Variants in ZC3HC1 observed in about 807,000 individuals in gnomAD.
ZC3HC1 encodes zinc finger C3HC-type containing 1.
In ZC3HC1, 38 loss-of-function variants were observed where a neutral mutation model predicts 61.9. That is an observed-to-expected ratio of 0.61 (90% CI 0.47 to 0.81). The LOEUF (loss-of-function observed/expected upper bound fraction) is 0.81, where lower values mean the gene tolerates loss of function less well. Among genes scored for constraint, ZC3HC1 ranks in the 30% least tolerant of loss-of-function variants. The pLI is 0.00. For synonymous variants in ZC3HC1, 213 were observed against 229.9 expected (o/e 0.93, Z 0.67); for missense variants, 554 against 622.7 (o/e 0.89, Z 1.17).
At chr7:130,050,351 T>C (rs1795029354) in intron 1 of ZC3HC1, 6 of 1,409,086 alleles carry the variant, frequency 4.3e-6, no homozygotes, top group Non-Finnish European at 4.8e-6. Flanking sequence ...GTGCTGGGAT[T>C]ATAGGCGTGA....
intron 9 of ZC3HC1, among the ~76,000 whole-genome samples, chr7:130,019,247 C>A (rs190940060): frequency 1.6e-4 from 24 of 152,122 alleles, no homozygotes; most frequent in Admixed American, 4.6e-4. Flanking sequence ...ATGGGGGTCT[C>A]ACCGTGTTAG....
intron 8 of ZC3HC1, 24 bp from the exon 9 acceptor site, chr7:130,022,549 G>A (rs779069956): frequency 1.7e-5 from 27 of 1,612,536 alleles, no homozygotes; most frequent in Non-Finnish European, 2.1e-5. Flanking sequence ...AAAAGAAATA[G>A]CATTCATAGG....
At chr7:130,028,163 CAAAAAAAAAAAAAAAAAAAAAAAAA>C (rs58430072) in intron 5 of ZC3HC1, among the ~76,000 whole-genome samples, 3 of 34,094 alleles carry the variant, frequency 8.8e-5, no homozygotes, top group African/African-American at 1.3e-4. Flanking sequence ...GACTCTGTCT[CAAAAAAAAAAAAAAAAAAAAAAAAA>C]AAAAAAAAAA....
chr7:130,034,484 C>CAAAAAA (rs35780865), intron 4 of ZC3HC1, among the ~76,000 whole-genome samples: 2 of 62,274 alleles, frequency 3.2e-5, no homozygotes, highest in Admixed American at 4.9e-4. Context: ...GACTCCGTCT[C>CAAAAAA]AAAAAAAAAA....
At chr7:130,022,590 C>T (rs1793698737) in intron 8 of ZC3HC1, 65 bp from the exon 9 acceptor site, 1 of 1,546,896 alleles carries the variant, frequency 6.5e-7, no homozygotes, top group South Asian at 1.1e-5. Flanking sequence ...GGAGGCACTG[C>T]TGTTAGTTAT....
At chr7:130,040,808 C>CAAAAAA in intron 3 of ZC3HC1, 143 bp downstream of exon 3, 1 of 631,332 alleles carries the variant, frequency 1.6e-6, no homozygotes, top group Non-Finnish European at 2.4e-6. Flanking sequence ...GACCCCATCT[C>CAAAAAA]AAAAAAAAAA....
chr7:130,030,340 C>A (rs911823721), intron 4 of ZC3HC1, among the ~76,000 whole-genome samples: 1 of 151,860 alleles, frequency 6.6e-6, no homozygotes, highest in Non-Finnish European at 1.5e-5. Context: ...GCCGGGATTA[C>A]AGGTGCCTGA....
Position 130,023,693 on chromosome 7 carries a change from G to A in ZC3HC1, c.1051C>T (p.Arg351Ter), listed in dbSNP as rs777405892. The change falls in exon 8 of 10, where the codon CGA becomes TGA. Residue 351 changes from arginine (R) to a stop codon, truncating the protein, a stop_gained. Transcript: ENST00000358303. LOFTEE classifies it high-confidence loss of function. The surrounding 1 kb of genome is among the most constrained non-coding windows in gnomAD (Gnocchi z 4.2). ...CTGGAAGAGTCCCAGCTCCGAGTTC[G>A]AGAGACAATGGGACCAGGGCTCTTT... ...AEKSPGPIVS[R>*]TRSWDSSSPV... 2.5e-6 allele frequency: 4 copies of A among 1,614,094 alleles called. No individual in the cohort carries two copies. The highest frequency in any genetic ancestry group is 2.2e-5 in the East Asian group (1 of 44,902).
intron 2 of ZC3HC1, chr7:130,043,516 T>C (rs1415621702): frequency 1.2e-5 from 2 of 162,328 alleles, no homozygotes; most frequent in African/African-American, 4.8e-5. Context: ...AATCATCATA[T>C]CCAAAATGTT....
At chr7:130,027,480 G>A (rs903671272) in intron 5 of ZC3HC1, 1 of 152,164 alleles carries the variant, frequency 6.6e-6, no homozygotes, top group Non-Finnish European at 1.5e-5. Context: ...TGATTAAATG[G>A]AACAGTAAAT....
chr7:130,045,658 T>C (rs1382724062), intron 2 of ZC3HC1, among the ~76,000 whole-genome samples: 3 of 151,974 alleles, frequency 2.0e-5, no homozygotes, highest in African/African-American at 7.2e-5. Flanking sequence ...TCCCAGCACT[T>C]TGGGAGGCTG....
intron 2 of ZC3HC1, among the ~76,000 whole-genome samples, chr7:130,047,603 C>T (rs911320848): frequency 4.7e-5 from 7 of 148,320 alleles, no homozygotes; most frequent in Non-Finnish European, 1.0e-4. Flanking sequence ...GCCAGGAGTT[C>T]GAGACCTGCC....
At chr7:130,041,154 ATGTG>A (rs34409527) in intron 2 of ZC3HC1, 53 bp from the exon 3 acceptor site, 170 of 1,206,126 alleles carry the variant, frequency 1.4e-4, no homozygotes, top group South Asian at 2.0e-4. Context: ...ATGTGTGTGT[ATGTG>A]TGTGTGTGTG....
chr7:130,045,520 A>C (rs1261571986), intron 2 of ZC3HC1: 1 of 457,538 alleles, frequency 2.2e-6, no homozygotes, highest in East Asian at 7.0e-5. Flanking sequence ...CCCAGAGAAG[A>C]ATTTGCCATT....
chr7:130,019,928 T>A (rs1276960585), intron 9 of ZC3HC1, among the ~76,000 whole-genome samples: 2 of 148,772 alleles, frequency 1.3e-5, no homozygotes, highest in Non-Finnish European at 3.0e-5. Context: ...GCGATTCTCC[T>A]GCCTCAGCCT....
At chr7:130,026,531 A>C in intron 5 of ZC3HC1, 1 of 440,490 alleles carries the variant, frequency 2.3e-6, no homozygotes, top group Non-Finnish European at 4.0e-6. Context: ...AGAAAGATGG[A>C]GTCTCCCTGG....
intron 4 of ZC3HC1, among the ~76,000 whole-genome samples, chr7:130,035,892 T>TG (rs1794413389): frequency 6.6e-6 from 1 of 152,172 alleles, no homozygotes. Context: ...AGGCTACACT[T>TG]GAAGGTCTCA....
In ZC3HC1 at chr7:130,045,079, C is replaced by T. The variant is rs1794811924; in HGVS notation, c.258+3954G>A. On this transcript the variant is annotated intron_variant, in intron 2 of 9. Coordinates refer to ENST00000358303, the MANE Select transcript of ZC3HC1 (RefSeq NM_016478.5). ...GTTATTAGTATAACTGATGGAAAAA[C>T]TGGGGTCTGAGGATTGGAGGGTAGT... Among the ~76,000 whole-genome samples the T allele has an allele frequency of 2.6e-5, 4 of 152,112 alleles. No individual in the cohort carries two copies. In the South Asian group the frequency reaches 6.2e-4, roughly 24 times the overall value.
chr7:130,039,010 A>G (rs920066070), intron 4 of ZC3HC1, among the ~76,000 whole-genome samples: 1 of 151,742 alleles, frequency 6.6e-6, no homozygotes, highest in African/African-American at 2.4e-5. Context: ...AACACAAGTG[A>G]ATATAAGTTT....
Sources: allele counts gnomAD v4.1 joint callset (sites outside exome capture counted in the v4.1 genomes callset), GRCh38; gene constraint gnomAD v4.1.1; non-coding constraint Gnocchi (gnomAD v3.1); transcripts MANE v1.5; gene names NCBI Gene and HGNC (gene_info 2026-07-23, HGNC 2026-07-21).